The following DDX3X variants were observed in gnomAD, a reference collection of about 807,000 sequenced individuals.
The protein encoded by DDX3X is DEAD-box helicase 3 X-linked.
Under a neutral mutation model 52.7 loss-of-function variants are expected in DDX3X, and 4 were observed. The observed-to-expected ratio is 0.08, with a 90% CI of 0.04 to 0.17. The LOEUF (loss-of-function observed/expected upper bound fraction) is 0.17, where lower values mean the gene tolerates loss of function less well. Among genes scored for constraint, DDX3X ranks in the 10% least tolerant of loss-of-function variants. The pLI is 1.00. For synonymous variants in DDX3X, 192 were observed against 178.1 expected, an observed-to-expected ratio of 1.08 and a Z score of -0.62; for missense variants, 222 against 548.6, an observed-to-expected ratio of 0.40 and a Z score of 5.95.
chrX:41,347,250 G>T (rs1187444377), intron 15 of DDX3X, 62 bp from the exon 16 acceptor site: 3 of 1,123,098 alleles, frequency 2.7e-6, no homozygotes, highest in Non-Finnish European at 3.6e-6. Flanking sequence ...CATTAGGAAA[G>T]AGTTAGGTTA....
intron 5 of DDX3X, among the ~76,000 whole-genome samples, chrX:41,355,645 C>CTTTT (rs36111286): frequency 1.2e-5 from 1 of 85,814 alleles, no homozygotes; most frequent in African/African-American, 4.3e-5. Flanking sequence ...TTTTCTTTTT[C>CTTTT]TTTTTTTTTT....
rs2063950452 is a variant in DDX3X at position 41,348,218 on chromosome X, A to G, written c.*499A>G. On this transcript the variant is annotated 3_prime_UTR_variant, in exon 17 of 17. Coordinates refer to ENST00000644876, the MANE Select transcript of DDX3X (RefSeq NM_001356.5). ...TAATATAAGGAAAAACTTATGCGGT[A>G]GCCTGCATTAGGGCTTTTTGATACT... 5.5e-6 allele frequency: 1 copy of G among 182,083 alleles called. No homozygotes were observed. The highest frequency in any genetic ancestry group is 3.0e-5 in the African/African-American group (1 of 33,677). The allele number at this position is 182,083 out of a possible 1,213,427, so 15.0% of individuals were successfully genotyped here. A position where few individuals can be genotyped will look rare whatever the true frequency, so the allele number is the denominator to read the frequency against.
chrX:41,360,033 G>A (rs939748060), intron 5 of DDX3X, among the ~76,000 whole-genome samples: 1 of 109,128 alleles, frequency 9.2e-6, no homozygotes, highest in African/African-American at 3.3e-5. Flanking sequence ...AACCCCAAGA[G>A]AGGAAGTAGT....
intron 5 of DDX3X, among the ~76,000 whole-genome samples, chrX:41,362,470 A>T (rs1003116270): frequency 1.2e-4 from 13 of 110,997 alleles, no homozygotes; most frequent in Middle Eastern, 4.2e-3. Context: ...ATGACTTACT[A>T]TACAAGACTC....
chrX:41,338,924 G>C, intron 2 of DDX3X, 112 bp from the exon 3 acceptor site: 1 of 267,809 alleles, frequency 3.7e-6, no homozygotes, highest in Non-Finnish European at 6.4e-6. Context: ...TAAGTAATCA[G>C]ATTGGAAGGC....
rs764734453 is a variant in DDX3X at position 41,347,632 on chromosome X, C to T, written c.1910-8C>T. ...TTAATTTCTCTCTCTTTTTAAATCTCTCATTAGGTGGCTATGGAGGCTTTT... is the reference window on the plus strand; with the variant it reads ...TTAATTTCTCTCTCTTTTTAAATCTTTCATTAGGTGGCTATGGAGGCTTTT... On this transcript the variant is annotated splice_polypyrimidine_tract_variant and splice_region_variant and intron_variant, in intron 16 of 16. Transcript: ENST00000644876. The T allele has an allele frequency of 3.4e-6, 4 of 1,174,574 alleles. No homozygotes were observed. Among genetic ancestry groups the T allele is most frequent in the Non-Finnish European group, 4.6e-6 (4 of 866,161 alleles).
At chrX:41,353,731 A>G (rs2063998047), downstream of DDX3X, among the ~76,000 whole-genome samples, 1 of 107,562 alleles carries the variant, frequency 9.3e-6, no homozygotes, top group South Asian at 4.1e-4. Context: ...AGTTTGTGCC[A>G]CTGTACTCCA....
upstream of DDX3X, chrX:41,334,114 C>G: frequency 1.8e-6 from 1 of 563,204 alleles, no homozygotes; most frequent in Admixed American, 3.2e-5. Flanking sequence ...GCTGACGTAG[C>G]CGGCTTTCCA....
downstream of DDX3X, chrX:41,351,071 A>AC (rs2063981811): frequency 9.0e-6 from 1 of 111,674 alleles, no homozygotes; most frequent in African/African-American, 3.3e-5. Context: ...AGATGATGGT[A>AC]CTTGAGTCTC....
intron 12 of DDX3X, 144 bp from the exon 13 acceptor site, chrX:41,346,085 C>T (rs2063919567): frequency 2.0e-6 from 1 of 490,739 alleles, no homozygotes; most frequent in Non-Finnish European, 3.3e-6. Flanking sequence ...ACTTTTCCTC[C>T]TCAATTCAAA....
intron 12 of DDX3X, 67 bp downstream of exon 12, chrX:41,345,615 A>C: frequency 1.2e-5 from 11 of 953,279 alleles, no homozygotes; most frequent in Non-Finnish European, 1.6e-5. Context: ...GCTGGAGTGC[A>C]GGGGTTATTC....
chrX:41,348,662 A>AT lies in DDX3X; in HGVS notation c.*945dup, dbSNP rs1476291761. ...CTGACCACAGCAATGACCAGCCCTC[A>AT]TTAGGGCCCTGGATGATTTTTGGTC... On this transcript the variant is annotated 3_prime_UTR_variant, in exon 17 of 17. Coordinates refer to ENST00000644876, the MANE Select transcript of DDX3X (RefSeq NM_001356.5). 8.9e-6 allele frequency: 1 copy of AT among 112,551 alleles called. No individual in the cohort carries two copies. The highest frequency in any genetic ancestry group is 2.8e-4 in the East Asian group (1 of 3,611). 9.3% of individuals were successfully genotyped at this position (112,551 alleles called of 1,213,427 possible).
intron 5 of DDX3X, among the ~76,000 whole-genome samples, chrX:41,360,543 A>C (rs2064025911): frequency 9.3e-6 from 1 of 107,456 alleles, no homozygotes; most frequent in Admixed American, 1.0e-4. Context: ...CCCAGGTTCA[A>C]GTGATTCTCC....
rs756639869 is a variant in DDX3X, at chrX:41,347,297, AT to A, written c.1770-8del. 4 of 1,196,601 alleles carry A rather than the reference AT, an allele frequency of 3.3e-6. No individual in the cohort carries two copies. The highest frequency in any genetic ancestry group is 3.6e-5 in the South Asian group (2 of 55,656). On this transcript the variant is annotated splice_polypyrimidine_tract_variant and intron_variant, in intron 15 of 16. Coordinates refer to ENST00000644876, the MANE Select transcript of DDX3X (RefSeq NM_001356.5). ...TTTCATCTTCATGTGAACCAACATA[AT>A]TTTTTTCTTATAGTAGCAGATTTAG...
At chrX:41,335,635 A>T (rs755400889) in intron 1 of DDX3X, 1 of 112,227 alleles carries the variant, frequency 8.9e-6, no homozygotes, top group East Asian at 2.8e-4. Context: ...AAACTCCGGA[A>T]TAATCCTGAG....
chrX:41,340,373 T>A (rs12851342), intron 3 of DDX3X: 1 of 115,128 alleles, frequency 8.7e-6, no homozygotes, highest in Admixed American at 9.4e-5. Flanking sequence ...TAACTCTTTC[T>A]TGCTAGCAAA....
At chrX:41,338,021 A>G (rs1289522234) in intron 2 of DDX3X, 5 of 111,398 alleles carry the variant, frequency 4.5e-5, no homozygotes, top group African/African-American at 1.6e-4. Context: ...AGAACAGAAG[A>G]CTATACTGAA....
At chrX:41,353,827 CAATA>C (rs1011466084), downstream of DDX3X, among the ~76,000 whole-genome samples, 6 of 108,214 alleles carry the variant, frequency 5.5e-5, no homozygotes, top group African/African-American at 2.0e-4. Flanking sequence ...CACACACACA[CAATA>C]AAGCTGCCAT....
chrX:41,344,862 C>T (rs2063901895), intron 10 of DDX3X, among the ~76,000 whole-genome samples: 2 of 111,961 alleles, frequency 1.8e-5, no homozygotes, highest in Admixed American at 1.9e-4. Context: ...ATCTAACTTT[C>T]ACAAAAAGCT....
Sources: gnomAD v4.1 joint callset for allele counts (sites outside exome capture counted in the v4.1 genomes callset) on GRCh38, gnomAD v4.1.1 for gene constraint, MANE v1.5 for transcripts, NCBI Gene and HGNC (gene_info 2026-07-23, HGNC 2026-07-21) for gene names.